The following DCT variants were observed in gnomAD, a reference collection of about 807,000 sequenced individuals.
The protein encoded by DCT is dopachrome tautomerase, also known as L-dopachrome tautomerase.
A neutral mutation model predicts 53.0 loss-of-function variants in DCT; 47 were observed. The ratio of observed to expected loss-of-function variants is 0.89; its 90% confidence interval spans 0.70 to 1.13. The LOEUF is 1.13. Ranked by LOEUF, DCT falls within the 50% of genes most tolerant of loss-of-function variation. The probability of loss-of-function intolerance (pLI) is 0.00; values close to 1 mark genes in which losing one functional copy is unlikely to be tolerated. For missense variants in DCT, 669 were observed against 637.4 expected, an observed-to-expected ratio of 1.05 and a Z score of -0.53; for synonymous variants, 244 against 237.0, an observed-to-expected ratio of 1.03 and a Z score of -0.27.
the DCT span, among the ~76,000 whole-genome samples, chr13:94,487,414 G>A: frequency 6.6e-6 from 1 of 152,194 alleles, no homozygotes; most frequent in Non-Finnish European, 1.5e-5. Flanking sequence ...ACATAAGAAG[G>A]ACTCAATGTA....
the DCT span, among the ~76,000 whole-genome samples, chr13:94,525,132 C>G: frequency 1.4e-3 from 217 of 152,170 alleles, 6 homozygotes; most frequent in East Asian, 0.03. Flanking sequence ...TGGAGTTTCC[C>G]TCTTGTTGCC....
At chr13:94,499,205 G>A in the DCT span, among the ~76,000 whole-genome samples, 32 of 152,152 alleles carry the variant, frequency 2.1e-4, no homozygotes, top group South Asian at 1.5e-3. Flanking sequence ...TGAAGTCAGC[G>A]AGACCACAAA....
intron 6 of DCT, among the ~76,000 whole-genome samples, chr13:94,449,308 T>G (rs368031539): frequency 2.0e-5 from 3 of 152,220 alleles, no homozygotes; most frequent in African/African-American, 7.2e-5. Flanking sequence ...GGCCTTAGCT[T>G]AAATGACTAT....
chr13:94,475,411 A>C (rs1310998526), intron 1 of DCT, among the ~76,000 whole-genome samples: 1 of 152,234 alleles, frequency 6.6e-6, no homozygotes, highest in South Asian at 2.1e-4. Context: ...CATTTGTGCT[A>C]AGTGAAATAA....
chr13:94,533,084 A>G, the DCT span, among the ~76,000 whole-genome samples: 1 of 151,990 alleles, frequency 6.6e-6, no homozygotes, highest in Non-Finnish European at 1.5e-5. Context: ...TGCACTCAGC[A>G]TTGTGACAAT....
chr13:94,444,957 A>T lies in DCT; in HGVS notation c.1180-1320T>A, dbSNP rs934124386. On this transcript the variant is annotated intron_variant, in intron 6 of 7. Coordinates refer to ENST00000377028, the MANE Select transcript of DCT (RefSeq NM_001922.5). ...AACCTGGACAGAGTCAATGTTTACT[A>T]ACTATGTGTTTGCTGATGACAGTGT... Among the ~76,000 whole-genome samples the T allele has an allele frequency of 2.6e-5, 4 of 152,182 alleles. No individual in the cohort carries two copies. In the East Asian group the frequency reaches 5.8e-4, roughly 22 times the overall value.
Position 94,479,194 on chromosome 13 carries a change from G to T in DCT, c.62C>A (p.Ala21Asp). Residue 21 changes from alanine to aspartate, a missense_variant, in exon 1 of 8, where the codon GCC (alanine) becomes GAC (aspartate). By Grantham distance (126) the Ala-to-Asp change is moderately radical. Coordinates refer to ENST00000377028, the MANE Select transcript of DCT (RefSeq NM_001922.5). ...GCAGACTCGGGGGAACTGACCCTGG[G>T]CTCCTGGCAGGATTTTGCAGCCCAA... is the stretch of plus-strand genomic sequence containing the variant. ...SCLGCKILPG[A>D]QGQFPRVCMT... 1 of 1,609,774 alleles carries T rather than the reference G, an allele frequency of 6.2e-7. No individual in the cohort carries two copies. Among genetic ancestry groups the T allele is most frequent in the African/African-American group, 1.3e-5 (1 of 74,946 alleles).
chr13:94,483,508 GT>G (rs1442159139), upstream of DCT, among the ~76,000 whole-genome samples: 1 of 145,250 alleles, frequency 6.9e-6, no homozygotes, highest in Non-Finnish European at 1.5e-5. Flanking sequence ...GACTTAGTTT[GT>G]TTTTTGTTTT....
intron 5 of DCT, 121 bp downstream of exon 5, chr13:94,461,889 C>G (rs538118052): frequency 5.2e-6 from 4 of 767,256 alleles, no homozygotes; most frequent in Non-Finnish European, 4.1e-6. Context: ...CGTTAGGCCT[C>G]TCTCCATCAC....
the DCT span, among the ~76,000 whole-genome samples, chr13:94,487,934 C>A: frequency 1.3e-5 from 2 of 151,512 alleles, no homozygotes; most frequent in Admixed American, 6.6e-5. Flanking sequence ...AGAAATGGGA[C>A]GTGTGGTCTG....
chr13:94,447,200 C>T (rs1186232211), intron 6 of DCT, among the ~76,000 whole-genome samples: 3 of 152,290 alleles, frequency 2.0e-5, no homozygotes, highest in Admixed American at 1.3e-4. Flanking sequence ...TCTACACCAC[C>T]GGTCCCCAAC....
intron 6 of DCT, among the ~76,000 whole-genome samples, chr13:94,450,246 G>A (rs895761859): frequency 1.3e-5 from 2 of 152,070 alleles, no homozygotes; most frequent in Non-Finnish European, 2.9e-5. Flanking sequence ...AATAAATGTT[G>A]TTTAGGCCAC....
chr13:94,522,067 G>A, the DCT span, among the ~76,000 whole-genome samples: 12,301 of 152,210 alleles, frequency 0.081, 1,097 homozygotes, highest in African/African-American at 0.22. Context: ...GCATGTATCA[G>A]GACTTATTCC....
chr13:94,526,596 C>G, the DCT span, among the ~76,000 whole-genome samples: 1 of 152,128 alleles, frequency 6.6e-6, no homozygotes, highest in East Asian at 1.9e-4. Flanking sequence ...CACCACTGCA[C>G]CCTGGCCCAG....
intron 4 of DCT, among the ~76,000 whole-genome samples, chr13:94,465,015 C>G (rs1884070894): frequency 6.6e-6 from 1 of 152,144 alleles, no homozygotes; most frequent in African/African-American, 2.4e-5. Context: ...ACTCCCCTCA[C>G]CCTCCTCTAC....
the DCT span, among the ~76,000 whole-genome samples, chr13:94,541,193 TA>T: frequency 9.9e-5 from 15 of 152,104 alleles, no homozygotes; most frequent in Admixed American, 5.2e-4. Context: ...AAAATACAGT[TA>T]GATAGTAGGA....
chr13:94,442,192 G>T (rs1882373914), intron 7 of DCT, among the ~76,000 whole-genome samples: 1 of 152,232 alleles, frequency 6.6e-6, no homozygotes, highest in Non-Finnish European at 1.5e-5. Context: ...AGGTCAAAGA[G>T]AGAGAGACTG....
intron 6 of DCT, among the ~76,000 whole-genome samples, chr13:94,450,848 G>T (rs377154076): frequency 3.3e-5 from 5 of 152,156 alleles, no homozygotes; most frequent in African/African-American, 1.2e-4. Context: ...AAAACTCTAG[G>T]AGAGAGTTGC....
chr13:94,464,602 T>C (rs990762022), intron 4 of DCT, among the ~76,000 whole-genome samples: 14 of 151,618 alleles, frequency 9.2e-5, no homozygotes, highest in African/African-American at 3.4e-4. Flanking sequence ...ATCACGTCAC[T>C]GCACTCCAGC....
Sources: gnomAD v4.1 joint callset for allele counts (sites outside exome capture counted in the v4.1 genomes callset) on GRCh38, gnomAD v4.1.1 for gene constraint, MANE v1.5 for transcripts, NCBI Gene and HGNC (gene_info 2026-07-23, HGNC 2026-07-21) for gene names.